The following PCDH11Y variants were observed in gnomAD, a reference collection of about 807,000 sequenced individuals.
PCDH11Y encodes the protein protocadherin 11 Y-linked, also known as protocadherin-11 Y-linked.
For synonymous variants in PCDH11Y, 9 were observed against 83.6 expected (o/e 0.11, Z 4.87); for missense variants, 12 against 224.8 (o/e 0.05, Z 6.05).
intron 4 of PCDH11Y, among the ~76,000 whole-genome samples, chrY:5,699,603 C>T (rs1285972988): frequency 5.6e-3 from 188 of 33,581 alleles, no homozygotes; most frequent in Non-Finnish European, 0.011. Flanking sequence ...GCCACAGCCA[C>T]TGTGCGGTGC....
At chrY:5,333,031 T>A (rs2053132560) in intron 2 of PCDH11Y, among the ~76,000 whole-genome samples, 1 of 33,174 alleles carries the variant, frequency 3.0e-5, no homozygotes, top group Non-Finnish European at 7.4e-5. Flanking sequence ...TACCTCAATA[T>A]GATTAAAAAA....
intron 4 of PCDH11Y, among the ~76,000 whole-genome samples, chrY:5,696,591 G>C: frequency 1.8e-4 from 6 of 32,603 alleles, no homozygotes; most frequent in African/African-American, 7.2e-4. Context: ...TTTTTGAAGA[G>C]ATTTTTTTTT....
At chrY:5,032,170 T>C in intron 2 of PCDH11Y, among the ~76,000 whole-genome samples, 1 of 33,986 alleles carries the variant, frequency 2.9e-5, no homozygotes, top group South Asian at 6.4e-4. Flanking sequence ...ATGTATATTA[T>C]GTGATTGCCG....
At chrY:5,044,931 A>C in intron 3 of PCDH11Y, among the ~76,000 whole-genome samples, 1 of 32,942 alleles carries the variant, frequency 3.0e-5, no homozygotes, top group Admixed American at 2.8e-4. Context: ...CTAGGATTGC[A>C]ATCCCTGCCT....
At chrY:5,549,248 C>T in intron 3 of PCDH11Y, among the ~76,000 whole-genome samples, 5 of 31,022 alleles carry the variant, frequency 1.6e-4, no homozygotes, top group African/African-American at 3.8e-4. Flanking sequence ...GGAACTTAAA[C>T]GAATTTATAA....
chrY:5,499,760 T>C (rs2053350533), intron 2 of PCDH11Y, among the ~76,000 whole-genome samples: 2 of 31,312 alleles, frequency 6.4e-5, no homozygotes, highest in African/African-American at 2.5e-4. Flanking sequence ...AGTGCTTTGG[T>C]TGATCTATTG....
chrY:5,389,698 G>C, intron 2 of PCDH11Y, among the ~76,000 whole-genome samples: 1 of 28,361 alleles, frequency 3.5e-5, no homozygotes, highest in African/African-American at 1.4e-4. Flanking sequence ...CAAGAGACCT[G>C]ATGGTTTTAA....
chrY:5,194,533 G>A, intron 2 of PCDH11Y, among the ~76,000 whole-genome samples: 1 of 30,986 alleles, frequency 3.2e-5, no homozygotes, highest in Non-Finnish European at 7.7e-5. Context: ...TCCTGATTCC[G>A]CCAGTTCTTT....
intron 4 of PCDH11Y, among the ~76,000 whole-genome samples, chrY:5,736,182 G>A: frequency 3.0e-5 from 1 of 32,868 alleles, no homozygotes; most frequent in Admixed American, 2.8e-4. Context: ...TGTAGGACCT[G>A]CATGTCAATT....
At chrY:5,529,159 A>G in intron 3 of PCDH11Y, among the ~76,000 whole-genome samples, 1 of 33,461 alleles carries the variant, frequency 3.0e-5, no homozygotes, top group African/African-American at 1.2e-4. Flanking sequence ...ATTATATGAG[A>G]GTGAACACTT....
intron 2 of PCDH11Y, among the ~76,000 whole-genome samples, chrY:5,412,764 T>C: frequency 2.9e-5 from 1 of 33,989 alleles, no homozygotes; most frequent in African/African-American, 1.1e-4. Flanking sequence ...AACAAACTTG[T>C]ATCCCAGGAA....
chrY:5,632,250 AAGTT>A (rs2124703811), intron 4 of PCDH11Y, among the ~76,000 whole-genome samples: 1 of 32,069 alleles, frequency 3.1e-5, no homozygotes, highest in East Asian at 8.0e-4. Context: ...TATTCAGTAC[AAGTT>A]AGTTCTTTTA....
intron 2 of PCDH11Y, among the ~76,000 whole-genome samples, chrY:5,420,915 A>C (rs2124679443): frequency 3.3e-5 from 1 of 30,382 alleles, no homozygotes; most frequent in African/African-American, 1.3e-4. Context: ...AAAAAAAAAA[A>C]AACAACCCTT....
chrY:5,472,435 A>T, intron 2 of PCDH11Y, among the ~76,000 whole-genome samples: 2 of 31,861 alleles, frequency 6.3e-5, no homozygotes, highest in Admixed American at 2.9e-4. Flanking sequence ...CTACAAATTC[A>T]TACTTCTAAC....
intron 2 of PCDH11Y, among the ~76,000 whole-genome samples, chrY:5,494,564 C>A: frequency 6.3e-5 from 2 of 31,608 alleles, no homozygotes; most frequent in African/African-American, 2.5e-4. Flanking sequence ...CACACACACA[C>A]AAAACTTATA....
intron 2 of PCDH11Y, among the ~76,000 whole-genome samples, chrY:5,360,920 G>C: frequency 2.1e-4 from 7 of 32,835 alleles, no homozygotes; most frequent in African/African-American, 8.3e-4. Context: ...GGAACAAAGG[G>C]AAGAGGAATA....
intron 4 of PCDH11Y, among the ~76,000 whole-genome samples, chrY:5,614,975 G>GA: frequency 6.3e-5 from 2 of 31,984 alleles, no homozygotes; most frequent in South Asian, 1.5e-3. Flanking sequence ...GCAGCAGCAA[G>GA]AAAAAATGAG....
intron 2 of PCDH11Y, among the ~76,000 whole-genome samples, chrY:5,336,311 G>A (rs2053136904): frequency 6.4e-5 from 2 of 31,222 alleles, no homozygotes; most frequent in African/African-American, 1.2e-4. Context: ...TCACTCTGTC[G>A]CCCAGGCTGG....
intron 4 of PCDH11Y, among the ~76,000 whole-genome samples, chrY:5,622,046 A>T: frequency 6.1e-5 from 2 of 33,006 alleles, no homozygotes; most frequent in Non-Finnish European, 1.5e-4. Context: ...AGATCTAATT[A>T]AAGAGCTTCT....
Sources: gnomAD v4.1 joint callset for allele counts (sites outside exome capture counted in the v4.1 genomes callset) on GRCh38, gnomAD v4.1.1 for gene constraint, MANE v1.5 for transcripts, NCBI Gene and HGNC (gene_info 2026-07-23, HGNC 2026-07-21) for gene names.